TRIM60: variants seen among roughly 807,000 people sequenced by gnomAD.
TRIM60 encodes tripartite motif-containing protein 60.
For missense variants in TRIM60, 524 were observed against 540.8 expected (o/e 0.97, Z 0.31); for synonymous variants, 189 against 195.2 (o/e 0.97, Z 0.27).
At chr4:165,038,306 T>A (rs1733669002) in intron 1 of TRIM60, among the ~76,000 whole-genome samples, 1 of 152,222 alleles carries the variant, frequency 6.6e-6, no homozygotes, top group Admixed American at 6.5e-5. Context: ...TTTTTCAATT[T>A]GTCCTATACT....
At chr4:165,038,935 C>A (rs1312050481) in intron 1 of TRIM60, among the ~76,000 whole-genome samples, 5 of 151,840 alleles carry the variant, frequency 3.3e-5, no homozygotes, top group Admixed American at 2.6e-4. Context: ...TGGTGGTAGG[C>A]GCCTTAATCC....
Position 165,040,559 on chromosome 4 carries a change from A to T in TRIM60, c.487A>T (p.Ile163Phe). The change falls in exon 3 of 3, where the codon ATT (isoleucine) becomes TTT (phenylalanine). Residue 163 changes from isoleucine to phenylalanine, a missense_variant. Physicochemically the swap from Ile to Phe is conservative, Grantham distance 21 (BLOSUM62 0). Coordinates refer to ENST00000512596, the MANE Select transcript of TRIM60 (RefSeq NM_152620.3). ...TATAGAACGAGTTGAAAAAGTGATA[A>T]TTCTGCAAGGCAGCAAATCAGTGGA... is the stretch of plus-strand genomic sequence containing the variant. ...NNIERVEKVI[I>F]LQGSKSVELK... is the part of the protein sequence containing the mutation. 6.2e-7 allele frequency: 1 copy of T among 1,614,160 alleles called. No individual in the cohort carries two copies.
Position 165,040,092 on chromosome 4 carries a change from T to C in TRIM60, c.20T>C (p.Leu7Pro). The C allele has an allele frequency of 6.2e-7, 1 of 1,612,644 alleles. No homozygotes were observed. Among genetic ancestry groups the C allele is most frequent in the South Asian group, 1.1e-5 (1 of 90,982 alleles). Reference protein sequence around the residue: MEFVTALVNLQEESSCP... With the variant: MEFVTAPVNLQEESSCP... Reference sequence around the variant, plus strand: ...AGCTCGATGGAGTTTGTGACAGCCCTGGTGAACCTCCAAGAGGAGTCTAGC... The same window carrying C: ...AGCTCGATGGAGTTTGTGACAGCCCCGGTGAACCTCCAAGAGGAGTCTAGC... The change falls in exon 3 of 3, where the codon CTG becomes CCG. Residue 7 changes from leucine to proline, a missense_variant. Transcript: ENST00000512596.
Position 165,040,972 on chromosome 4 carries a change from T to C in TRIM60, c.900T>C (p.Asp300=). ...CATTTCAAGTAGATGTGATTCTAGA[T>C]CTCAACACAGCACATCCTCAACTTC... The part of the protein sequence containing the change: ...IKPFQVDVIL[D]LNTAHPQLLV... The change falls in exon 3 of 3, where the codon GAT becomes GAC. Residue 300 remains aspartate, a synonymous_variant. Transcript: ENST00000512596. 6.2e-7 allele frequency: 1 copy of C among 1,614,068 alleles called. No individual in the cohort carries two copies. The highest frequency in any genetic ancestry group is 8.5e-7 in the Non-Finnish European group (1 of 1,179,948).
intron 1 of TRIM60, among the ~76,000 whole-genome samples, chr4:165,037,071 T>C (rs1168108384): frequency 6.7e-6 from 1 of 150,070 alleles, no homozygotes; most frequent in Non-Finnish European, 1.5e-5. Context: ...GGCGTGGTGG[T>C]GTGTGCCTGT....
intron 1 of TRIM60, among the ~76,000 whole-genome samples, chr4:165,034,763 G>A (rs1381162072): frequency 3.3e-5 from 5 of 152,066 alleles, no homozygotes; most frequent in Non-Finnish European, 5.9e-5. Flanking sequence ...ATACCTTACT[G>A]TCCCTTCAAA....
In TRIM60 at chr4:165,040,688, C is replaced by A. The variant is rs141491666; in HGVS notation, c.616C>A (p.Gln206Lys). The A allele has an allele frequency of 1.0e-4, 169 of 1,613,550 alleles. 1 individual carries two copies. Among genetic ancestry groups the A allele is most frequent in the Non-Finnish European group, 1.2e-4 (142 of 1,179,876 alleles). Residue 206 changes from glutamine (Q) to lysine (K), a missense_variant, in exon 3 of 3, where the codon CAA becomes AAA. Physicochemically the swap from Gln to Lys is moderately conservative, Grantham distance 53. Transcript: ENST00000512596. Reference protein sequence around the residue: ...NEQEMILRQIQDEEMNILAKL... With the variant: ...NEQEMILRQIKDEEMNILAKL... ...ACAAGAGATGATTCTTAGGCAGATA[C>A]AAGATGAAGAGATGAACATTTTAGC... is the stretch of plus-strand genomic sequence containing the variant.
Position 165,041,039 on chromosome 4 carries a change from A to C in TRIM60, c.967A>C (p.Lys323Gln). The C allele has an allele frequency of 6.2e-7, 1 of 1,614,028 alleles. No homozygotes were observed. Among genetic ancestry groups the C allele is most frequent in the Admixed American group, 1.7e-5 (1 of 60,010 alleles). ...AAAAGCTGTGCGATATGAAAGAAAA[A>C]AACGAAACATTTGTTATGACCCAAG... ...DRKAVRYERK[K>Q]RNICYDPRRF... The change falls in exon 3 of 3, where the codon AAA becomes CAA. Residue 323 changes from lysine (K) to glutamine (Q), a missense_variant. Coordinates refer to ENST00000512596, the MANE Select transcript of TRIM60 (RefSeq NM_152620.3).
intron 1 of TRIM60, among the ~76,000 whole-genome samples, chr4:165,034,722 T>G (rs1422861239): frequency 6.6e-6 from 1 of 152,218 alleles, no homozygotes; most frequent in Admixed American, 6.6e-5. Context: ...TCCTTATGAT[T>G]GAAAAATATT....
At chr4:165,038,435 T>C (rs2111213951) in intron 1 of TRIM60, among the ~76,000 whole-genome samples, 1 of 152,022 alleles carries the variant, frequency 6.6e-6, no homozygotes, top group East Asian at 1.9e-4. Context: ...ACACCTATAA[T>C]CCCAGCACTT....
In TRIM60 at chr4:165,041,749, A is replaced by T. The variant is rs73007606; in HGVS notation, c.*261A>T. 10,744 of 269,290 alleles carry T rather than the reference A, an allele frequency of 0.04. 619 individuals are homozygous for T. Among genetic ancestry groups the T allele is most frequent in the African/African-American group, 0.16 (6,967 of 44,644 alleles). 16.7% of individuals were successfully genotyped at this position (269,290 alleles called of 1,614,324 possible). ...ATAAAATGTTTTCAAATTGCCTATA[A>T]TTTTTTTTTTTAGTTAAGCAAATTA... is the stretch of plus-strand genomic sequence containing the variant. On this transcript the variant is annotated 3_prime_UTR_variant, in exon 3 of 3. Transcript: ENST00000512596.
At chr4:165,034,361 T>C (rs1733572062) in intron 1 of TRIM60, among the ~76,000 whole-genome samples, 1 of 151,116 alleles carries the variant, frequency 6.6e-6, no homozygotes, top group African/African-American at 2.5e-5. Context: ...ACCATGTTAG[T>C]CAGGCTGGTC....
chr4:165,036,904 GAAAA>G (rs201081021), intron 1 of TRIM60, among the ~76,000 whole-genome samples: 1 of 134,344 alleles, frequency 7.4e-6, no homozygotes, highest in South Asian at 2.2e-4. Flanking sequence ...AAAGAAAAAA[GAAAA>G]AAAAAGACTG....
At chr4:165,034,510 CAT>C (rs1265161757) in intron 1 of TRIM60, among the ~76,000 whole-genome samples, 1 of 152,142 alleles carries the variant, frequency 6.6e-6, no homozygotes, top group Non-Finnish European at 1.5e-5. Flanking sequence ...AAATTCCAGT[CAT>C]ATTTTGCAAT....
intron 1 of TRIM60, among the ~76,000 whole-genome samples, chr4:165,038,816 G>C (rs189546385): frequency 2.6e-4 from 40 of 151,898 alleles, no homozygotes; most frequent in African/African-American, 9.7e-4. Context: ...GCTCACACCT[G>C]TAATTCCAGC....
At position 165,041,113 on chromosome 4, in the gene TRIM60, T is replaced by C. The variant is rs1231830060; in HGVS notation, c.1041T>C (p.Ser347=). The change falls in exon 3 of 3, where the codon TCT becomes TCC. Residue 347 remains serine (S), a synonymous_variant. Coordinates refer to ENST00000512596, the MANE Select transcript of TRIM60 (RefSeq NM_152620.3). ...PAVLGSQRFS[S]GRHYWEVEVG... ...TCCTAGGCTCTCAGAGATTTAGTTC[T>C]GGCCGACATTACTGGGAAGTAGAAG... The C allele has an allele frequency of 6.2e-7, 1 of 1,614,224 alleles. No individual in the cohort carries two copies. Among genetic ancestry groups the C allele is most frequent in the Middle Eastern group, 1.6e-4 (1 of 6,062 alleles).
chr4:165,037,152 G>C (rs1419257037), intron 1 of TRIM60, among the ~76,000 whole-genome samples: 1 of 151,908 alleles, frequency 6.6e-6, no homozygotes, highest in Non-Finnish European at 1.5e-5. Context: ...AGTGAGCCGA[G>C]ACTGCACCAT....
chr4:165,036,595 G>A (rs183372260), intron 1 of TRIM60, among the ~76,000 whole-genome samples: 8 of 152,264 alleles, frequency 5.3e-5, no homozygotes, highest in South Asian at 4.2e-4. Flanking sequence ...TAGGCCGGGC[G>A]TGGTGGCTCA....
chr4:165,032,896 CAG>C (rs755379853), intron 1 of TRIM60, among the ~76,000 whole-genome samples: 8 of 152,026 alleles, frequency 5.3e-5, no homozygotes, highest in Non-Finnish European at 1.2e-4. Context: ...GCACAAGAAT[CAG>C]AGTAGGAGCC....
Sources: allele counts gnomAD v4.1 joint callset (sites outside exome capture counted in the v4.1 genomes callset), GRCh38; gene constraint gnomAD v4.1.1; transcripts MANE v1.5; gene names NCBI Gene and HGNC (gene_info 2026-07-23, HGNC 2026-07-21).